The following SLC30A3 variants were observed in gnomAD, a reference collection of about 807,000 sequenced individuals.
SLC30A3 encodes solute carrier family 30 member 3, also known as probable proton-coupled zinc antiporter SLC30A3.
SLC30A3 carries 20 observed loss-of-function variants against 35.6 expected under a neutral mutation model. That is an observed-to-expected ratio of 0.56 (90% CI 0.39 to 0.82). SLC30A3 has a LOEUF of 0.82. Among genes scored for constraint, SLC30A3 ranks in the 40% least tolerant of loss-of-function variants. The pLI, the probability that SLC30A3 is intolerant of heterozygous loss-of-function variation, is 0.00. For missense variants in SLC30A3, 401 were observed against 530.6 expected (o/e 0.76, Z 2.40); for synonymous variants, 217 against 224.7 (o/e 0.97, Z 0.31).
chr2:27,260,143 T>C (rs1305563502), intron 1 of SLC30A3, among the ~76,000 whole-genome samples: 2 of 152,150 alleles, frequency 1.3e-5, no homozygotes, highest in African/African-American at 4.8e-5. Context: ...CCTCCACTCC[T>C]GGATCCTGCC....
rs758038609 is a variant in SLC30A3, at chr2:27,256,809, C to T, written c.862G>A (p.Val288Ile). ...LGSTAPTLRD[V>I]LRILMEGTPR... ...TCACCTTCCATGAGGATTCGAAGAA[C>T]GTCTCGGAGGGTGGGAGCGGTGGAT... is the stretch of plus-strand genomic sequence containing the variant. Residue 288 changes from valine (V) to isoleucine (I), a missense_variant, in exon 6 of 8, where the codon GTT becomes ATT. Coordinates refer to ENST00000233535, the MANE Select transcript of SLC30A3 (RefSeq NM_003459.5). The T allele has an allele frequency of 8.7e-6, 14 of 1,603,534 alleles. No individual in the cohort carries two copies. Among genetic ancestry groups the T allele is most frequent in the Admixed American group, 1.8e-5 (1 of 56,082 alleles).
Position 27,255,494 on chromosome 2 carries a change from C to CG in SLC30A3, c.1019-35dup, listed in dbSNP as rs756044876. On this transcript the variant is annotated intron_variant, in intron 7 of 7. Coordinates refer to ENST00000233535, the MANE Select transcript of SLC30A3 (RefSeq NM_003459.5). The surrounding 1 kb of genome is among the most constrained non-coding windows in gnomAD (Gnocchi z 5.2). ...GAGTGATAAGAGGCGGCATCCATCC[C>CG]GGGGGAGAAAGAACAGGCAGGGACT... 274 of 1,605,674 alleles carry CG rather than the reference C, an allele frequency of 1.7e-4. No homozygotes were observed. The highest frequency in any genetic ancestry group is 2.3e-4 in the Non-Finnish European group (268 of 1,176,966).
chr2:27,263,958 G>A (rs1387659485), upstream of SLC30A3: 1 of 994,642 alleles, frequency 1.0e-6, no homozygotes, highest in Non-Finnish European at 1.4e-6. Flanking sequence ...GGACATTACC[G>A]CATTCTGCCT....
chr2:27,269,863 A>C (rs1355213741), intron 1 of SLC30A3, among the ~76,000 whole-genome samples: 1 of 152,200 alleles, frequency 6.6e-6, no homozygotes, highest in Non-Finnish European at 1.5e-5. Flanking sequence ...CTCAAAAACA[A>C]AAAATAAAAA....
In SLC30A3 at chr2:27,271,673, G is replaced by C. The variant is rs1244525852; in HGVS notation, c.-159+3504C>G. ...TTCTTCCTAGGACTGAGCTGCGTGT[G>C]AGAAGAGCCCAGGCATAGAACACTC... On this transcript the variant is annotated intron_variant, in intron 1 of 5. Coordinates refer to the SLC30A3 transcript ENST00000424577. The surrounding 1 kb of genome is among the most constrained non-coding windows in gnomAD (Gnocchi z 4.3). 6.6e-6 allele frequency among the ~76,000 whole-genome samples: 1 copy of C among 152,224 alleles called. No individual in the cohort carries two copies. Among genetic ancestry groups the C allele is most frequent in the African/African-American group, 2.4e-5 (1 of 41,468 alleles).
In SLC30A3 at chr2:27,257,861, T is replaced by G. The variant is rs376242270; in HGVS notation, c.578+44A>C. ...CTCTCCCATCCTGGAGGAAGACCCC[T>G]CGCCCTGGGCCCCACAAGGTGCCTG... On this transcript the variant is annotated intron_variant, in intron 4 of 7. Coordinates refer to ENST00000233535, the MANE Select transcript of SLC30A3 (RefSeq NM_003459.5). The surrounding 1 kb of genome is among the most constrained non-coding windows in gnomAD (Gnocchi z 4.7). 73 of 1,574,542 alleles carry G rather than the reference T, an allele frequency of 4.6e-5. No homozygotes were observed. In the African/African-American group the frequency reaches 7.4e-4, roughly 16 times the overall value.
rs1423710259 is a variant in SLC30A3 at position 27,258,649 on chromosome 2, C to G, written c.277+104G>C. 1 of 1,277,680 alleles carries G rather than the reference C, an allele frequency of 7.8e-7. No homozygotes were observed. The highest frequency in any genetic ancestry group is 1.1e-6 in the Non-Finnish European group (1 of 896,802). 79.1% of individuals were successfully genotyped at this position (1,277,680 alleles called of 1,614,324 possible). On this transcript the variant is annotated intron_variant, in intron 2 of 7. Coordinates refer to ENST00000233535, the MANE Select transcript of SLC30A3 (RefSeq NM_003459.5). The surrounding 1 kb of genome is among the most constrained non-coding windows in gnomAD (Gnocchi z 4.0). Reference sequence around the variant, plus strand: ...ACCCAGCTCCCCTATCCCAGCCATCCCCATCTCTGCATCTGCACCCAGGAA... The same window carrying G: ...ACCCAGCTCCCCTATCCCAGCCATCGCCATCTCTGCATCTGCACCCAGGAA...
chr2:27,263,027 G>A lies in SLC30A3; in HGVS notation c.-121C>T. The A allele has an allele frequency of 7.2e-7, 1 of 1,393,342 alleles. No individual in the cohort carries two copies. Among genetic ancestry groups the A allele is most frequent in the Non-Finnish European group, 9.3e-7 (1 of 1,080,760 alleles). The allele number at this position is 1,393,342 out of a possible 1,614,324, so 86.3% of individuals were successfully genotyped here. Reference sequence around the variant, plus strand: ...CCCGCAGGGCGGCGGGGCCACCAGAGTGGAGCGAACTGCAGCGACTGTGGC... The same window carrying A: ...CCCGCAGGGCGGCGGGGCCACCAGAATGGAGCGAACTGCAGCGACTGTGGC... On this transcript the variant is annotated 5_prime_UTR_variant, in exon 1 of 8. Coordinates refer to ENST00000233535, the MANE Select transcript of SLC30A3 (RefSeq NM_003459.5).
In SLC30A3 at chr2:27,271,980, T is replaced by C. The variant is rs780188693; in HGVS notation, c.-159+3197A>G. Among the ~76,000 whole-genome samples the C allele has an allele frequency of 1.3e-5, 2 of 152,234 alleles. No homozygotes were observed. Among genetic ancestry groups the C allele is most frequent in the Non-Finnish European group, 2.9e-5 (2 of 68,040 alleles). ...TACTAACTCTTCTCAGAACCGAATT[T>C]GCCTTCTTTCTCAGGGCTCACTTCT... On this transcript the variant is annotated intron_variant, in intron 1 of 5. Transcript: ENST00000424577. The surrounding 1 kb of genome is among the most constrained non-coding windows in gnomAD (Gnocchi z 4.3).
At chr2:27,263,403 C>T (rs1006076589), upstream of SLC30A3, 1 of 450,496 alleles carries the variant, frequency 2.2e-6, no homozygotes. Context: ...CCCACCACGC[C>T]GTCACCCTGT....
chr2:27,255,024 A>C lies in SLC30A3; in HGVS notation c.*288T>G. The C allele has an allele frequency of 7.6e-7, 1 of 1,308,234 alleles. No individual in the cohort carries two copies. The highest frequency in any genetic ancestry group is 1.0e-6 in the Non-Finnish European group (1 of 1,001,402). 81.0% of individuals were successfully genotyped at this position (1,308,234 alleles called of 1,614,324 possible). Reference sequence around the variant, plus strand: ...GTGGCTCCACATGAACCATGGGGAGATGGCACCACAGGCCTTCAACACACC... The same window carrying C: ...GTGGCTCCACATGAACCATGGGGAGCTGGCACCACAGGCCTTCAACACACC... On this transcript the variant is annotated 3_prime_UTR_variant, in exon 8 of 8. Coordinates refer to ENST00000233535, the MANE Select transcript of SLC30A3 (RefSeq NM_003459.5). This position sits in a 1 kb window ranked among gnomAD's most constrained non-coding sequence, Gnocchi z 5.2.
At chr2:27,269,443 G>C (rs948256836) in intron 1 of SLC30A3, among the ~76,000 whole-genome samples, 2 of 151,860 alleles carry the variant, frequency 1.3e-5, no homozygotes, top group Non-Finnish European at 2.9e-5. Context: ...TCCTGACCTC[G>C]TGATCCGCCT....
In SLC30A3 at chr2:27,258,203, G is replaced by T. The variant is rs1363159758; in HGVS notation, c.382C>A (p.Arg128Ser). The change falls in exon 3 of 8, where the codon CGT (arginine) becomes AGT (serine). Residue 128 changes from arginine (R) to serine (S), a missense_variant. Around this residue, in one of 3 missense-constraint regions of SLC30A3, gnomAD observed 296 missense variants for 392.6 expected, o/e 0.75. Coordinates refer to ENST00000233535, the MANE Select transcript of SLC30A3 (RefSeq NM_003459.5). This position sits in a 1 kb window ranked among gnomAD's most constrained non-coding sequence, Gnocchi z 4.0. Reference sequence around the variant, plus strand: ...AAGGTCATGGTGCGGGTGGCTGGACGGGTGGAGAGCCAGAGGGAGAAGAGG... The same window carrying T: ...AAGGTCATGGTGCGGGTGGCTGGACTGGTGGAGAGCCAGAGGGAGAAGAGG... ...GSLFSLWLST[R>S]PATRTMTFGW... 1.3e-6 allele frequency: 2 copies of T among 1,598,212 alleles called. No individual in the cohort carries two copies. Among genetic ancestry groups the T allele is most frequent in the Non-Finnish European group, 1.7e-6 (2 of 1,170,724 alleles).
At chr2:27,268,181 G>T (rs574273378) in intron 1 of SLC30A3, among the ~76,000 whole-genome samples, 1 of 152,230 alleles carries the variant, frequency 6.6e-6, no homozygotes, top group Admixed American at 6.5e-5. Context: ...GTACAGTACT[G>T]TACTGTACAT....
In SLC30A3 at chr2:27,258,677, T is replaced by C; in HGVS notation, c.277+76A>G. On this transcript the variant is annotated intron_variant, in intron 2 of 7. Coordinates refer to ENST00000233535, the MANE Select transcript of SLC30A3 (RefSeq NM_003459.5). This position sits in a 1 kb window ranked among gnomAD's most constrained non-coding sequence, Gnocchi z 4.0. ...ATCTCTGCATCTGCACCCAGGAACA[T>C]TCCTGGGACTCTGGGTGGAGAGTGG... 1.3e-6 allele frequency: 2 copies of C among 1,516,536 alleles called. No individual in the cohort carries two copies. Among genetic ancestry groups the C allele is most frequent in the African/African-American group, 1.4e-5 (1 of 72,942 alleles). The allele number at this position is 1,516,536 out of a possible 1,614,324, so 93.9% of individuals were successfully genotyped here.
Position 27,262,377 on chromosome 2 carries a change from C to A in SLC30A3, c.95+435G>T, listed in dbSNP as rs1188390799. Among the ~76,000 whole-genome samples, 2 of 151,848 alleles carry A rather than the reference C, an allele frequency of 1.3e-5. No homozygotes were observed. Among genetic ancestry groups the A allele is most frequent in the Non-Finnish European group, 2.9e-5 (2 of 67,906 alleles). On this transcript the variant is annotated intron_variant, in intron 1 of 7. Transcript: ENST00000233535. This position sits in a 1 kb window ranked among gnomAD's most constrained non-coding sequence, Gnocchi z 7.5. ...CACAGCTGGCCGCGGCTGGAGGGGG[C>A]GCGCGGAGGGGAGCCCCCGGGGCCT...
In SLC30A3 at chr2:27,256,790, T is replaced by C; in HGVS notation, c.881A>G (p.Glu294Gly). The change falls in exon 6 of 8, where the codon GAA (glutamate) becomes GGA (glycine). Residue 294 changes from glutamate (E) to glycine (G), a missense_variant and splice_region_variant. By Grantham distance (98) the Glu-to-Gly change is moderately conservative. Coordinates refer to ENST00000233535, the MANE Select transcript of SLC30A3 (RefSeq NM_003459.5). ...TLRDVLRILMEGTPRNVGFEP... is the reference protein window; with the variant it reads ...TLRDVLRILMGGTPRNVGFEP... Reference sequence around the variant, plus strand: ...GGGAGCTGTGGTGCCCGACTCACCTTCCATGAGGATTCGAAGAACGTCTCG... The same window carrying C: ...GGGAGCTGTGGTGCCCGACTCACCTCCCATGAGGATTCGAAGAACGTCTCG... 6.3e-7 allele frequency: 1 copy of C among 1,598,616 alleles called. No homozygotes were observed. Among genetic ancestry groups the C allele is most frequent in the Non-Finnish European group, 8.5e-7 (1 of 1,173,022 alleles).
Position 27,262,578 on chromosome 2 carries a change from G to C in SLC30A3, c.95+234C>G, listed in dbSNP as rs1029172684. Among the ~76,000 whole-genome samples, 23 of 152,160 alleles carry C rather than the reference G, an allele frequency of 1.5e-4. No homozygotes were observed. The highest frequency in any genetic ancestry group is 2.4e-4 in the Non-Finnish European group (16 of 68,012). ...CGGCGGCCTGGGACGCCGGCCGGAG[G>C]GGAGTGAGAGGCCGCTTCACCCGAG... On this transcript the variant is annotated intron_variant, in intron 1 of 7. Transcript: ENST00000233535. This position sits in a 1 kb window ranked among gnomAD's most constrained non-coding sequence, Gnocchi z 7.5.
intron 1 of SLC30A3, among the ~76,000 whole-genome samples, chr2:27,261,358 G>A (rs1677173876): frequency 6.6e-6 from 1 of 152,194 alleles, no homozygotes; most frequent in African/African-American, 2.4e-5. Flanking sequence ...GGAGGGGCAG[G>A]TAGGTTAGGA....
Sources: allele counts gnomAD v4.1 joint callset (sites outside exome capture counted in the v4.1 genomes callset), GRCh38; gene constraint gnomAD v4.1.1; regional missense constraint gnomAD v4.1.1; non-coding constraint Gnocchi (gnomAD v3.1); transcripts MANE v1.5; gene names NCBI Gene and HGNC (gene_info 2026-07-23, HGNC 2026-07-21).